The following LGALS12 variants were observed in gnomAD, a reference collection of about 807,000 sequenced individuals.
LGALS12 encodes galectin-12.
In LGALS12, 36 loss-of-function variants were observed where a neutral mutation model predicts 36.8. The observed-to-expected ratio is 0.98, with a 90% CI of 0.75 to 1.29. The LOEUF (loss-of-function observed/expected upper bound fraction) is 1.29, where lower values mean the gene tolerates loss of function less well. LGALS12 is among the 50% of genes most tolerant of loss of function. LGALS12 has a pLI of 0.00. For synonymous variants in LGALS12, 145 were observed against 155.9 expected (o/e 0.93, Z 0.52); for missense variants, 366 against 394.3 (o/e 0.93, Z 0.61).
chr11:63,506,365 C>T lies in LGALS12; in HGVS notation c.-94C>T. Reference sequence around the variant, plus strand: ...AGACTAACAGCTGGGAGAGCTGCTCCAGGCATTTAGGACCCTGACTGGGGC... The same window carrying T: ...AGACTAACAGCTGGGAGAGCTGCTCTAGGCATTTAGGACCCTGACTGGGGC... On this transcript the variant is annotated 5_prime_UTR_variant, in exon 1 of 9. Transcript: ENST00000394618. The T allele has an allele frequency of 6.2e-7, 1 of 1,613,818 alleles. No individual in the cohort carries two copies. The highest frequency in any genetic ancestry group is 8.5e-7 in the Non-Finnish European group (1 of 1,179,826).
intron 6 of LGALS12, 129 bp downstream of exon 6, chr11:63,511,234 T>TGTGG (rs2016909804): frequency 4.1e-6 from 3 of 732,028 alleles, no homozygotes; most frequent in Non-Finnish European, 6.5e-6. Context: ...AACTGCAGGC[T>TGTGG]GTGGGTGGGC....
chr11:63,510,158 C>T (rs777306507), intron 4 of LGALS12, among the ~76,000 whole-genome samples: 11 of 152,154 alleles, frequency 7.2e-5, no homozygotes, highest in African/African-American at 1.9e-4. Context: ...CACTGAGAAG[C>T]AATGGCCAGG....
chr11:63,511,141 G>A, intron 6 of LGALS12, 36 bp downstream of exon 6: 1 of 1,604,404 alleles, frequency 6.2e-7, no homozygotes, highest in Non-Finnish European at 8.5e-7. Context: ...TCAGGGCTGG[G>A]GGCGCAGCCT....
rs1042999296 is a variant in LGALS12, at chr11:63,509,914, C to A, written c.492+17C>A. 2 of 1,612,110 alleles carry A rather than the reference C, an allele frequency of 1.2e-6. No individual in the cohort carries two copies. Among genetic ancestry groups the A allele is most frequent in the African/African-American group, 2.7e-5 (2 of 74,884 alleles). On this transcript the variant is annotated intron_variant, in intron 4 of 8. Transcript: ENST00000394618. ...AACATCAATGTAAGTTTCCTTGGGA[C>A]CAAGGCCTGGGCAGTGGCAGCCTCT...
At chr11:63,508,020 TGAGCCACA>T (rs1403186548) in intron 1 of LGALS12, 7 of 992,426 alleles carry the variant, frequency 7.1e-6, no homozygotes, top group East Asian at 1.1e-4. Context: ...ATTACAGGCA[TGAGCCACA>T]GAGCCCAGCC....
chr11:63,511,801 T>A lies in LGALS12; in HGVS notation c.608T>A (p.Val203Asp). Residue 203 changes from valine to aspartate, a missense_variant, in exon 7 of 9, where the codon GTC becomes GAC. Coordinates refer to ENST00000394618, the MANE Select transcript of LGALS12 (RefSeq NM_033101.4). ...CCCCAGGGTCTCTCGCCTGGGCAGGTCATCATAGTACGGGGACTGGTCTTG... is the reference window on the plus strand; with the variant it reads ...CCCCAGGGTCTCTCGCCTGGGCAGGACATCATAGTACGGGGACTGGTCTTG... Reference protein sequence around the residue: ...ALPQGLSPGQVIIVRGLVLQE... With the variant: ...ALPQGLSPGQDIIVRGLVLQE... 6.2e-7 allele frequency: 1 copy of A among 1,613,732 alleles called. No homozygotes were observed. The highest frequency in any genetic ancestry group is 8.5e-7 in the Non-Finnish European group (1 of 1,179,904).
At chr11:63,511,914 T>A in intron 7 of LGALS12, 74 bp downstream of exon 7, 1 of 947,466 alleles carries the variant, frequency 1.1e-6, no homozygotes, top group African/African-American at 1.6e-5. Context: ...AAACATCATC[T>A]CTTTTAATCT....
chr11:63,511,945 C>G (rs932898356), intron 7 of LGALS12, 105 bp downstream of exon 7: 20 of 813,444 alleles, frequency 2.5e-5, no homozygotes, highest in Non-Finnish European at 2.7e-5. Context: ...CCATTTAATC[C>G]CCATTTTACA....
Position 63,508,588 on chromosome 11 carries a change from G to T in LGALS12, c.105G>T (p.Leu35=), listed in dbSNP as rs144707121. The change falls in exon 2 of 9, where the codon CTG becomes CTT. Residue 35 remains leucine, a synonymous_variant. Transcript: ENST00000394618. ...ATGTCACGACGATTTTTGGAGGCCT[G>T]CATGCAGGCAAGATGGTCATGCTGC... ...VPYVTTIFGG[L]HAGKMVMLQG... The T allele has an allele frequency of 2.2e-3, 3,572 of 1,614,166 alleles. 6 individuals are homozygous for T. The highest frequency in any genetic ancestry group is 2.8e-3 in the Non-Finnish European group (3,326 of 1,180,018).
At chr11:63,515,041 A>G (rs2017038241) in intron 7 of LGALS12, among the ~76,000 whole-genome samples, 1 of 152,180 alleles carries the variant, frequency 6.6e-6, no homozygotes, top group African/African-American at 2.4e-5. Context: ...CAGGGCAGTT[A>G]TGTTATCGTC....
At chr11:63,515,143 G>A (rs1417029427) in intron 7 of LGALS12, among the ~76,000 whole-genome samples, 2 of 152,108 alleles carry the variant, frequency 1.3e-5, no homozygotes, top group African/African-American at 4.8e-5. Context: ...GGTTGAATCG[G>A]GACTGCCTGA....
At chr11:63,508,730 G>T in intron 2 of LGALS12, 48 bp from the exon 3 acceptor site, 1 of 1,613,908 alleles carries the variant, frequency 6.2e-7, no homozygotes, top group Non-Finnish European at 8.5e-7. Context: ...TGAGATCTCT[G>T]TGGGTCTCTG....
intron 1 of LGALS12, 138 bp downstream of exon 1, chr11:63,506,665 GC>G: frequency 9.2e-7 from 1 of 1,090,926 alleles, no homozygotes; most frequent in Non-Finnish European, 1.3e-6. Flanking sequence ...GTTCTGGAAG[GC>G]CCTCCTGAGC....
intron 5 of LGALS12, 121 bp downstream of exon 5, chr11:63,510,622 T>A: frequency 1.1e-6 from 1 of 892,776 alleles, no homozygotes; most frequent in Non-Finnish European, 1.8e-6. Flanking sequence ...GCCACGGACA[T>A]GGCTGGCTCT....
chr11:63,511,933 C>T, intron 7 of LGALS12, 93 bp downstream of exon 7: 2 of 866,936 alleles, frequency 2.3e-6, no homozygotes, highest in South Asian at 2.7e-5. Flanking sequence ...CTCCTAGCAC[C>T]ACCATTTAAT....
At chr11:63,508,333 A>T in intron 1 of LGALS12, 1 of 1,406,650 alleles carries the variant, frequency 7.1e-7, no homozygotes, top group African/African-American at 1.4e-5. Context: ...GCGGAATTTG[A>T]CTTCTCTGGT....
chr11:63,508,093 T>A, intron 1 of LGALS12: 1 of 1,009,620 alleles, frequency 9.9e-7, no homozygotes, highest in Non-Finnish European at 1.2e-6. Context: ...GTTAAGTGCC[T>A]CTCCAGGGGT....
intron 7 of LGALS12, among the ~76,000 whole-genome samples, chr11:63,513,166 G>A (rs957502162): frequency 2.0e-5 from 3 of 152,178 alleles, no homozygotes; most frequent in African/African-American, 7.2e-5. Flanking sequence ...CTCTGAGTCT[G>A]AGTTTCCCTA....
intron 7 of LGALS12, among the ~76,000 whole-genome samples, chr11:63,514,293 C>T (rs752208555): frequency 2.5e-4 from 38 of 152,156 alleles, no homozygotes; most frequent in Non-Finnish European, 4.7e-4. Context: ...TAATCTGGGC[C>T]GGGCGCGGTG....
Sources: allele counts gnomAD v4.1 joint callset (sites outside exome capture counted in the v4.1 genomes callset), GRCh38; gene constraint gnomAD v4.1.1; transcripts MANE v1.5; gene names NCBI Gene and HGNC (gene_info 2026-07-23, HGNC 2026-07-21).